Variants in CSGALNACT1 observed in about 807,000 individuals in gnomAD.
CSGALNACT1 encodes the protein chondroitin sulfate N-acetylgalactosaminyltransferase 1.
CSGALNACT1 carries 52 observed loss-of-function variants against 51.0 expected under a neutral mutation model. The ratio of observed to expected loss-of-function variants is 1.02; its 90% CI spans 0.82 to 1.29. The LOEUF is 1.29. Ranked by LOEUF, CSGALNACT1 falls within the 50% of genes most tolerant of loss-of-function variation. CSGALNACT1 has a pLI of 0.00. For missense variants in CSGALNACT1, 935 were observed against 679.2 expected, an observed-to-expected ratio of 1.38 and a Z score of -4.19; for synonymous variants, 341 against 254.4, an observed-to-expected ratio of 1.34 and a Z score of -3.24.
intron 1 of CSGALNACT1, among the ~76,000 whole-genome samples, chr8:19,751,833 G>C (rs1350384722): frequency 2.6e-5 from 4 of 152,038 alleles, no homozygotes; most frequent in Non-Finnish European, 2.9e-5. Flanking sequence ...TTTCTGCCAT[G>C]ATTGTAAGTT....
At chr8:19,461,586 G>C (rs75558406) in intron 4 of CSGALNACT1, among the ~76,000 whole-genome samples, 1 of 20,476 alleles carries the variant, frequency 4.9e-5, no homozygotes, top group Non-Finnish European at 1.1e-4. Flanking sequence ...TTCACCATGG[G>C]GGGCGTATCC....
At chr8:19,639,708 G>C (rs2056520259) in intron 1 of CSGALNACT1, among the ~76,000 whole-genome samples, 1 of 152,106 alleles carries the variant, frequency 6.6e-6, no homozygotes, top group Non-Finnish European at 1.5e-5. Flanking sequence ...GAAGAGAGCT[G>C]CTTTTCTTAA....
At chr8:19,547,770 G>A (rs1162814667) in intron 3 of CSGALNACT1, among the ~76,000 whole-genome samples, 1 of 152,176 alleles carries the variant, frequency 6.6e-6, no homozygotes, top group East Asian at 1.9e-4. Flanking sequence ...CTTGGAAAAA[G>A]GGAGATGGAT....
rs140200135 is a variant in CSGALNACT1, at chr8:19,507,648, G to A, written c.-296-1518C>T. On this transcript the variant is annotated intron_variant, in intron 3 of 9. Transcript: ENST00000454498. ...GCATCTTTCTTTTTTTCTCTTTGTC[G>A]AGACAGAGTCTCGCTCATCGCCAGG... Among the ~76,000 whole-genome samples the A allele has an allele frequency of 3.5e-3, 520 of 150,320 alleles. 3 individuals are homozygous for A. Among genetic ancestry groups the A allele is most frequent in the African/African-American group, 0.012 (498 of 40,814 alleles).
intron 4 of CSGALNACT1, among the ~76,000 whole-genome samples, chr8:19,464,080 G>C (rs2066142432): frequency 6.6e-6 from 1 of 152,156 alleles, no homozygotes; most frequent in African/African-American, 2.4e-5. Flanking sequence ...TCACACTACT[G>C]AGCCTATGCA....
intron 4 of CSGALNACT1, among the ~76,000 whole-genome samples, chr8:19,480,895 G>GCAT (rs2071191093): frequency 6.6e-6 from 1 of 152,018 alleles, no homozygotes. Flanking sequence ...TTTCCACCCG[G>GCAT]CATCAACACC....
At chr8:19,547,040 G>A (rs1419734058) in intron 3 of CSGALNACT1, among the ~76,000 whole-genome samples, 3 of 152,188 alleles carry the variant, frequency 2.0e-5, no homozygotes, top group African/African-American at 4.8e-5. Context: ...ACTTACCAGT[G>A]TCTCACAGTA....
upstream of CSGALNACT1, among the ~76,000 whole-genome samples, chr8:19,606,961 C>T (rs1264051350): frequency 5.3e-5 from 8 of 152,146 alleles, no homozygotes; most frequent in Admixed American, 5.2e-4. Context: ...CGAGATCATC[C>T]TGGCTAATAC....
chr8:19,522,243 C>T (rs1405575664), intron 3 of CSGALNACT1, among the ~76,000 whole-genome samples: 7 of 152,088 alleles, frequency 4.6e-5, no homozygotes, highest in Admixed American at 4.6e-4. Context: ...GAGAAAACTA[C>T]CACCAAGAAA....
intron 8 of CSGALNACT1, among the ~76,000 whole-genome samples, chr8:19,416,966 G>T (rs1563290331): frequency 6.6e-6 from 1 of 151,926 alleles, no homozygotes; most frequent in Admixed American, 6.6e-5. Context: ...AGGCTCAAGC[G>T]ATTTTCAACC....
At chr8:19,453,121 A>T (rs1247215918) in intron 5 of CSGALNACT1, among the ~76,000 whole-genome samples, 4 of 152,202 alleles carry the variant, frequency 2.6e-5, no homozygotes, top group Non-Finnish European at 5.9e-5. Flanking sequence ...TTAAAAGAAA[A>T]AGTTAAGAAA....
intron 1 of CSGALNACT1, among the ~76,000 whole-genome samples, chr8:19,627,047 C>G (rs2054548149): frequency 6.6e-6 from 1 of 152,174 alleles, no homozygotes; most frequent in Non-Finnish European, 1.5e-5. Context: ...CAGTCATACC[C>G]TTGGGTATTT....
chr8:19,470,781 T>C (rs992012728), intron 4 of CSGALNACT1, among the ~76,000 whole-genome samples: 2 of 152,092 alleles, frequency 1.3e-5, no homozygotes, highest in African/African-American at 4.8e-5. Flanking sequence ...GGAGAAGCAA[T>C]GTCCTGGGAA....
intron 3 of CSGALNACT1, among the ~76,000 whole-genome samples, chr8:19,537,354 C>T (rs923659441): frequency 7.2e-5 from 11 of 152,144 alleles, no homozygotes; most frequent in Admixed American, 3.9e-4. Flanking sequence ...AAACGGTCTT[C>T]GTGGCTTCAG....
intron 1 of CSGALNACT1, among the ~76,000 whole-genome samples, chr8:19,715,428 C>T (rs2062749460): frequency 1.3e-5 from 2 of 152,166 alleles, no homozygotes; most frequent in South Asian, 4.1e-4. Flanking sequence ...TGTCCTCCAC[C>T]TCCACCAATG....
At chr8:19,588,871 C>T (rs1449959223) in intron 3 of CSGALNACT1, among the ~76,000 whole-genome samples, 1 of 152,166 alleles carries the variant, frequency 6.6e-6, no homozygotes, top group Admixed American at 6.5e-5. Flanking sequence ...TCTCAGTTTG[C>T]TCATCTGTTC....
chr8:19,414,143 A>G (rs530638046), intron 8 of CSGALNACT1, among the ~76,000 whole-genome samples: 38 of 152,256 alleles, frequency 2.5e-4, no homozygotes, highest in African/African-American at 9.1e-4. Flanking sequence ...AAATGCTATA[A>G]ATCAGGTCTT....
intron 3 of CSGALNACT1, among the ~76,000 whole-genome samples, chr8:19,562,711 A>T (rs2041040337): frequency 6.6e-6 from 1 of 152,240 alleles, no homozygotes; most frequent in Non-Finnish European, 1.5e-5. Context: ...AGAGAAATGC[A>T]AACCAAAACC....
At chr8:19,426,741 C>A (rs919567489) in intron 6 of CSGALNACT1, among the ~76,000 whole-genome samples, 1 of 152,144 alleles carries the variant, frequency 6.6e-6, no homozygotes, top group Admixed American at 6.5e-5. Context: ...GTTATAATGA[C>A]CTGACAAAGC....
Sources: allele counts gnomAD v4.1 joint callset (sites outside exome capture counted in the v4.1 genomes callset), GRCh38; gene constraint gnomAD v4.1.1; transcripts MANE v1.5; gene names NCBI Gene and HGNC (gene_info 2026-07-23, HGNC 2026-07-21).